Variants in POLR3F observed in about 807,000 individuals in gnomAD.
POLR3F encodes the protein RNA polymerase III subunit F.
Under a neutral mutation model 43.6 loss-of-function variants are expected in POLR3F, and 31 were observed. The observed-to-expected ratio is 0.71, with a 90% CI of 0.53 to 0.96. The LOEUF (loss-of-function observed/expected upper bound fraction) is 0.96. POLR3F is among the 40% of genes least tolerant of loss of function. The pLI, the probability that POLR3F is intolerant of heterozygous loss-of-function variation, is 0.00. For missense variants in POLR3F, 316 were observed against 391.7 expected (o/e 0.81, Z 1.63); for synonymous variants, 114 against 132.5 (o/e 0.86, Z 0.96).
chr20:18,476,229 A>T (rs1201936919), intron 5 of POLR3F, among the ~76,000 whole-genome samples: 1 of 152,164 alleles, frequency 6.6e-6, no homozygotes, highest in Non-Finnish European at 1.5e-5. Context: ...ATCACCCCCA[A>T]ATGTGGCCAC....
At chr20:18,468,565 G>T (rs1481656007) in intron 1 of POLR3F, among the ~76,000 whole-genome samples, 1 of 151,972 alleles carries the variant, frequency 6.6e-6, no homozygotes, top group Non-Finnish European at 1.5e-5. Context: ...ACAAATTTTG[G>T]CTTCCTACCA....
chr20:18,470,292 G>A (rs912584692), intron 2 of POLR3F, among the ~76,000 whole-genome samples: 5 of 152,140 alleles, frequency 3.3e-5, no homozygotes, highest in Non-Finnish European at 4.4e-5. Context: ...TTTGGGGTCC[G>A]ATGAATCTTT....
chr20:18,467,797 T>G, intron 1 of POLR3F: 1 of 808,672 alleles, frequency 1.2e-6, no homozygotes, highest in Non-Finnish European at 1.9e-6. Flanking sequence ...CTGGCTGGCT[T>G]TGCCCTGATA....
chr20:18,481,621 A>G lies in POLR3F; in HGVS notation c.684A>G (p.Val228=). The G allele has an allele frequency of 6.3e-7, 1 of 1,595,900 alleles. No individual in the cohort carries two copies. The highest frequency in any genetic ancestry group is 8.6e-7 in the Non-Finnish European group (1 of 1,163,428). ...KYICELGISK[V]ELSMEDIETI... is the part of the protein sequence containing the mutation. The stretch of plus-strand genomic sequence containing the variant: ...TTTCTGATGTATCCCTTTTTTAGGT[A>G]GAGTTATCCATGGAAGACATTGAAA... The change falls in exon 8 of 9, where the codon GTA becomes GTG. Residue 228 remains valine (V), a splice_region_variant and synonymous_variant. Transcript: ENST00000377603.
At chr20:18,479,487 C>A (rs2059798187) in intron 5 of POLR3F, among the ~76,000 whole-genome samples, 1 of 152,054 alleles carries the variant, frequency 6.6e-6, no homozygotes, top group African/African-American at 2.4e-5. Context: ...AGTGCAAGAC[C>A]CTGTCTCCAA....
chr20:18,471,611 G>A (rs555133383), intron 2 of POLR3F, among the ~76,000 whole-genome samples: 44 of 152,306 alleles, frequency 2.9e-4, no homozygotes, highest in Non-Finnish European at 5.3e-4. Flanking sequence ...TTGCCACTTC[G>A]TGGGGTCAGG....
intron 6 of POLR3F, 86 bp from the exon 7 acceptor site, chr20:18,480,316 C>A: frequency 8.3e-7 from 1 of 1,211,878 alleles, no homozygotes; most frequent in Non-Finnish European, 1.2e-6. Flanking sequence ...TAAATATGTT[C>A]TGTTGTTGGT....
chr20:18,480,376 C>T, intron 6 of POLR3F, 26 bp from the exon 7 acceptor site: 1 of 1,481,094 alleles, frequency 6.8e-7, no homozygotes. Context: ...TTCTTATTTA[C>T]ATTTCTTATG....
In POLR3F at chr20:18,469,026, C is replaced by G; in HGVS notation, c.145C>G (p.Gln49Glu). The G allele has an allele frequency of 1.3e-6, 2 of 1,585,478 alleles. No homozygotes were observed. Among genetic ancestry groups the G allele is most frequent in the Non-Finnish European group, 1.7e-6 (2 of 1,153,758 alleles). The change falls in exon 2 of 9, where the codon CAG becomes GAG. Residue 49 changes from glutamine to glutamate, a missense_variant. By Grantham distance (29) the Gln-to-Glu change is conservative. Transcript: ENST00000377603. ...TGAAATGCCTCATATAGAAGCCCAG[C>G]AGCGGGCAGTAGCCATCAATAGGTT... ...QNEMPHIEAQ[Q>E]RAVAINRLLS...
intron 5 of POLR3F, among the ~76,000 whole-genome samples, chr20:18,477,637 T>C (rs1329357950): frequency 1.3e-5 from 2 of 152,184 alleles, no homozygotes; most frequent in Admixed American, 6.5e-5. Flanking sequence ...TGAAAAGATA[T>C]GAGTAAATCT....
At chr20:18,478,227 T>C (rs1036597001) in intron 5 of POLR3F, among the ~76,000 whole-genome samples, 1 of 151,950 alleles carries the variant, frequency 6.6e-6, no homozygotes, top group African/African-American at 2.4e-5. Context: ...TCTTTTTTTT[T>C]TTTTTTGAGA....
chr20:18,473,053 C>T lies in POLR3F; in HGVS notation c.248+144C>T, dbSNP rs1007431029. On this transcript the variant is annotated intron_variant, in intron 3 of 8. Transcript: ENST00000377603. ...GATATATTCCATTTCCCAGAGGTAACTGCTCTTAATAATTTAGTGTATATC... is the reference window on the plus strand; with the variant it reads ...GATATATTCCATTTCCCAGAGGTAATTGCTCTTAATAATTTAGTGTATATC... 4 of 433,874 alleles carry T rather than the reference C, an allele frequency of 9.2e-6. No individual in the cohort carries two copies. The South Asian group carries it at 2.6e-4, about 28-fold the overall frequency. 26.9% of individuals were successfully genotyped at this position (433,874 alleles called of 1,614,324 possible).
chr20:18,477,993 G>A (rs895723441), intron 5 of POLR3F, among the ~76,000 whole-genome samples: 2 of 152,202 alleles, frequency 1.3e-5, no homozygotes, highest in African/African-American at 4.8e-5. Context: ...TTGGACTGAT[G>A]TCATGTGGCC....
chr20:18,483,570 G>A lies in POLR3F; in HGVS notation c.*12G>A. 1 of 1,205,728 alleles carries A rather than the reference G, an allele frequency of 8.3e-7. No individual in the cohort carries two copies. The highest frequency in any genetic ancestry group is 1.2e-6 in the Non-Finnish European group (1 of 854,894). 74.7% of individuals were successfully genotyped at this position (1,205,728 alleles called of 1,614,324 possible). A position where few individuals can be genotyped will look rare whatever the true frequency, so the allele number is the denominator to read the frequency against. The stretch of plus-strand genomic sequence containing the variant: ...GGCTCGAATTTTAATAGAGAGCTAT[G>A]AACTTTATTGACATTTTGCAAATGA... On this transcript the variant is annotated 3_prime_UTR_variant, in exon 9 of 9. Transcript: ENST00000377603.
chr20:18,474,517 A>T (rs1009637497), intron 4 of POLR3F, among the ~76,000 whole-genome samples: 1 of 150,636 alleles, frequency 6.6e-6, no homozygotes, highest in African/African-American at 2.4e-5. Context: ...CGTTTTCATA[A>T]TTTTTTTTTT....
rs1338063051 is a variant in POLR3F at position 18,468,899 on chromosome 20, G to C, written c.63-45G>C. On this transcript the variant is annotated intron_variant, in intron 1 of 8. Transcript: ENST00000377603. ...TGTATTTTTACCCCCACTGTCTCTT[G>C]AAACAGGTAACCATGAAGGATAACA... The C allele has an allele frequency of 3.2e-6, 3 of 937,064 alleles. No homozygotes were observed. In the East Asian group the frequency reaches 7.2e-5, roughly 22 times the overall value. The allele number at this position is 937,064 out of a possible 1,614,324, so 58.0% of individuals were successfully genotyped here.
intron 5 of POLR3F, among the ~76,000 whole-genome samples, chr20:18,477,603 G>A (rs1041460648): frequency 1.3e-5 from 2 of 152,180 alleles, no homozygotes; most frequent in Non-Finnish European, 2.9e-5. Context: ...ATAGTATTCA[G>A]TTATAAAAAG....
intron 8 of POLR3F, among the ~76,000 whole-genome samples, chr20:18,482,108 C>T (rs2059813795): frequency 6.6e-6 from 1 of 151,790 alleles, no homozygotes; most frequent in Non-Finnish European, 1.5e-5. Flanking sequence ...CTGCCTCAGC[C>T]ACCTGAGTAC....
Position 18,483,976 on chromosome 20 carries a change from A to G in POLR3F, c.*418A>G, listed in dbSNP as rs1468550255. 1.0e-5 allele frequency: 4 copies of G among 397,502 alleles called. No homozygotes were observed. The East Asian group carries it at 1.4e-4, about 14-fold the overall frequency. The allele number at this position is 397,502 out of a possible 1,614,324, so 24.6% of individuals were successfully genotyped here. A position where few individuals can be genotyped will look rare whatever the true frequency, so the allele number is the denominator to read the frequency against. ...TTTTTTTTATATCTGGTTCACTACC[A>G]CCATTTTCTGTTTCCTACTTTCTCA... On this transcript the variant is annotated 3_prime_UTR_variant, in exon 9 of 9. Transcript: ENST00000377603.
Sources: allele counts gnomAD v4.1 joint callset (sites outside exome capture counted in the v4.1 genomes callset), GRCh38; gene constraint gnomAD v4.1.1; transcripts MANE v1.5; gene names NCBI Gene and HGNC (gene_info 2026-07-23, HGNC 2026-07-21).